The following KALRN variants were observed in gnomAD, a reference collection of about 807,000 sequenced individuals.
The protein encoded by KALRN is kalirin.
KALRN carries 70 observed loss-of-function variants against 353.7 expected under a neutral mutation model. The observed-to-expected ratio is 0.20, with a 90% CI of 0.16 to 0.24. KALRN has a LOEUF of 0.24. Ranked by LOEUF, KALRN falls within the 10% of genes least tolerant of loss-of-function variation. The pLI is 1.00. For synonymous variants in KALRN, 1,391 were observed against 1,434.8 expected (o/e 0.97, Z 0.69); for missense variants, 2,791 against 3,756.7 (o/e 0.74, Z 6.72).
intron 17 of KALRN, among the ~76,000 whole-genome samples, 164 bp downstream of exon 17, chr3:124,434,689 T>C (rs1404529494): frequency 2.0e-5 from 3 of 152,246 alleles, no homozygotes; most frequent in Non-Finnish European, 2.9e-5. Flanking sequence ...TTTCTTATCA[T>C]CCTTTCCATT....
intron 1 of KALRN, among the ~76,000 whole-genome samples, chr3:124,145,225 CAG>C (rs2067184922): frequency 6.6e-6 from 1 of 152,168 alleles, no homozygotes; most frequent in African/African-American, 2.4e-5. Context: ...TCTACTGATC[CAG>C]TGACTCCCTC....
chr3:124,330,308 T>A (rs1423569457), intron 8 of KALRN, among the ~76,000 whole-genome samples: 2 of 150,910 alleles, frequency 1.3e-5, no homozygotes, highest in African/African-American at 2.4e-5. Flanking sequence ...TGCCTCATCC[T>A]GTGTGTGAAG....
intron 59 of KALRN, 27 bp downstream of exon 59, chr3:124,717,412 C>A (rs376882175): frequency 1.3e-6 from 2 of 1,550,532 alleles, no homozygotes; most frequent in Admixed American, 1.9e-5. Flanking sequence ...ACCTGCTGGG[C>A]GCAGTGGCTC....
chr3:124,231,473 G>A (rs865799825), intron 2 of KALRN, among the ~76,000 whole-genome samples: 13 of 152,076 alleles, frequency 8.5e-5, no homozygotes, highest in South Asian at 2.1e-4. Flanking sequence ...GGTTTCCACC[G>A]TTCCCAGGGA....
intron 5 of KALRN, among the ~76,000 whole-genome samples, chr3:124,291,944 G>A (rs529538059): frequency 1.3e-5 from 2 of 152,260 alleles, no homozygotes; most frequent in East Asian, 1.9e-4. Context: ...TGCCTCCCCC[G>A]TCTGTAGATG....
intron 1 of KALRN, among the ~76,000 whole-genome samples, chr3:124,223,011 C>T (rs1316605337): frequency 2.6e-5 from 4 of 151,500 alleles, no homozygotes; most frequent in Non-Finnish European, 5.9e-5. Context: ...ATGCTTATTA[C>T]CTTGGGTACC....
At chr3:124,105,170 A>T (rs1252268832) in intron 1 of KALRN, among the ~76,000 whole-genome samples, 1 of 152,172 alleles carries the variant, frequency 6.6e-6, no homozygotes, top group Non-Finnish European at 1.5e-5. Context: ...AGCAACAGGG[A>T]TTTCTTACTC....
chr3:124,138,403 A>C (rs2066200557), intron 1 of KALRN, among the ~76,000 whole-genome samples: 2 of 152,190 alleles, frequency 1.3e-5, no homozygotes, highest in African/African-American at 4.8e-5. Flanking sequence ...TATACCAAAG[A>C]GGTTCTGTTG....
chr3:124,046,027 T>G (rs2040445603), intron 1 of KALRN, among the ~76,000 whole-genome samples: 1 of 152,224 alleles, frequency 6.6e-6, no homozygotes, highest in African/African-American at 2.4e-5. Flanking sequence ...GTACTGATAT[T>G]GCTCTGCTTC....
chr3:124,542,300 T>C (rs2069118542), intron 33 of KALRN, among the ~76,000 whole-genome samples: 1 of 152,228 alleles, frequency 6.6e-6, no homozygotes, highest in Admixed American at 6.5e-5. Flanking sequence ...CTCTGGAACT[T>C]AGTAGCCGTG....
intron 34 of KALRN, among the ~76,000 whole-genome samples, chr3:124,632,196 A>T (rs747289634): frequency 5.3e-4 from 81 of 152,262 alleles, no homozygotes; most frequent in Non-Finnish European, 9.8e-4. Context: ...TCTTCTGCCC[A>T]CTCCTGTATC....
In KALRN at chr3:124,566,108, G is replaced by A. The variant is rs969411134; in HGVS notation, c.5182+3019G>A. 4.6e-5 allele frequency among the ~76,000 whole-genome samples: 7 copies of A among 152,074 alleles called. No homozygotes were observed. The East Asian group carries it at 1.2e-3, about 25-fold the overall frequency. ...TTGGTTCCTGTTTCCCCAAGCTTAGGCCAATTATGCTGAGCTTTCAAATGG... is the reference window on the plus strand; with the variant it reads ...TTGGTTCCTGTTTCCCCAAGCTTAGACCAATTATGCTGAGCTTTCAAATGG... On this transcript the variant is annotated intron_variant, in intron 34 of 59. Coordinates refer to ENST00000682506, the MANE Select transcript of KALRN (RefSeq NM_001388419.1).
At chr3:124,501,793 G>A (rs2064602200) in intron 33 of KALRN, among the ~76,000 whole-genome samples, 1 of 152,184 alleles carries the variant, frequency 6.6e-6, no homozygotes, top group African/African-American at 2.4e-5. Context: ...ACTGTGCAGA[G>A]GCCCTACCTA....
At chr3:124,113,848 G>T (rs1035425621) in intron 1 of KALRN, among the ~76,000 whole-genome samples, 1 of 152,230 alleles carries the variant, frequency 6.6e-6, no homozygotes, top group South Asian at 2.1e-4. Context: ...GCATTAGAAG[G>T]CGTCAGCATC....
At chr3:124,718,846 A>C (rs1428399627) in intron 59 of KALRN, 79 bp from the exon 60 acceptor site, 7 of 1,301,278 alleles carry the variant, frequency 5.4e-6, no homozygotes, top group Admixed American at 1.9e-5. Flanking sequence ...CTGTGTTTGA[A>C]TTAATGAGGT....
intron 33 of KALRN, among the ~76,000 whole-genome samples, chr3:124,540,128 C>T (rs2068888950): frequency 6.6e-6 from 1 of 152,090 alleles, no homozygotes; most frequent in Non-Finnish European, 1.5e-5. Context: ...GCCATGTTGC[C>T]CAGGCTGGTC....
intron 14 of KALRN, among the ~76,000 whole-genome samples, chr3:124,421,077 G>A (rs1182239501): frequency 3.3e-5 from 5 of 152,178 alleles, no homozygotes; most frequent in Admixed American, 3.3e-4. Context: ...AAAAGTGTCA[G>A]CATCAGGACC....
chr3:124,582,430 G>A (rs1191218993), intron 34 of KALRN, among the ~76,000 whole-genome samples: 3 of 152,192 alleles, frequency 2.0e-5, no homozygotes, highest in African/African-American at 7.2e-5. Context: ...CTTGCCAAGA[G>A]AAACCATCAG....
At chr3:124,237,482 C>T (rs549131359) in intron 3 of KALRN, among the ~76,000 whole-genome samples, 1 of 151,162 alleles carries the variant, frequency 6.6e-6, no homozygotes, top group Non-Finnish European at 1.5e-5. Context: ...TGTGCCTTGG[C>T]CTGCCAAGTA....
Sources: gnomAD v4.1 joint callset for allele counts (sites outside exome capture counted in the v4.1 genomes callset) on GRCh38, gnomAD v4.1.1 for gene constraint, MANE v1.5 for transcripts, NCBI Gene and HGNC (gene_info 2026-07-23, HGNC 2026-07-21) for gene names.